The following DDX60 variants were observed in gnomAD, a reference collection of about 807,000 sequenced individuals.
The protein encoded by DDX60 is DExD/H-box helicase 60.
A neutral mutation model predicts 212.8 loss-of-function variants in DDX60; 165 were observed. The observed-to-expected ratio is 0.78, with a 90% CI of 0.68 to 0.88. The LOEUF (loss-of-function observed/expected upper bound fraction) is 0.88. DDX60 is among the 40% of genes least tolerant of loss of function. DDX60 has a pLI of 0.00. For missense variants in DDX60, 1,905 were observed against 2,003.9 expected, an observed-to-expected ratio of 0.95 and a Z score of 0.94; for synonymous variants, 703 against 685.3, an observed-to-expected ratio of 1.03 and a Z score of -0.40.
intron 33 of DDX60, among the ~76,000 whole-genome samples, chr4:168,233,688 A>G (rs1443659983): frequency 6.6e-6 from 1 of 152,110 alleles, no homozygotes; most frequent in Non-Finnish European, 1.5e-5. Flanking sequence ...AAATGGTACA[A>G]TGGACTTTGG....
rs1166698648 is a variant in DDX60 at position 168,285,913 on chromosome 4, AAGGAAGGAAGGAAGGAAGGAAGGAAGGG to A, written c.1340-443_1340-416del. 1.6e-4 allele frequency among the ~76,000 whole-genome samples: 9 copies of A among 54,980 alleles called. 1 individual carries two copies. Among genetic ancestry groups the A allele is most frequent in the Admixed American group, 9.6e-4 (6 of 6,282 alleles). The allele number at this position is 54,980 out of a possible 152,430, so 36.1% of individuals were successfully genotyped here. A position where few individuals can be genotyped will look rare whatever the true frequency, so the allele number is the denominator to read the frequency against. On this transcript the variant is annotated intron_variant, in intron 10 of 37. Transcript: ENST00000393743. ...GAGGGAAGAAAGGAAGGAAGGAAGG[AAGGAAGGAAGGAAGGAAGGAAGGAAGGG>A]AGGAAGGGAGGGAGGGAAAGGAAAG...
At chr4:168,321,436 G>A (rs1737609297), upstream of DDX60, among the ~76,000 whole-genome samples, 1 of 151,956 alleles carries the variant, frequency 6.6e-6, no homozygotes, top group Admixed American at 6.5e-5. Context: ...TTTGATACCT[G>A]GCCACCAAGG....
chr4:168,281,156 A>G (rs1374510215), intron 13 of DDX60, among the ~76,000 whole-genome samples: 2 of 152,178 alleles, frequency 1.3e-5, no homozygotes, highest in African/African-American at 4.8e-5. Context: ...ATAAAAAAGA[A>G]GAAGAAAAGT....
At chr4:168,285,812 G>A (rs2149529997) in intron 10 of DDX60, among the ~76,000 whole-genome samples, 1 of 151,230 alleles carries the variant, frequency 6.6e-6, no homozygotes, top group East Asian at 1.9e-4. Context: ...TGGATGGGTG[G>A]ATGGATGGAT....
In DDX60 at chr4:168,311,248, A is replaced by G; in HGVS notation, c.4+8T>C. 2 of 1,612,090 alleles carry G rather than the reference A, an allele frequency of 1.2e-6. No homozygotes were observed. The highest frequency in any genetic ancestry group is 1.7e-6 in the Non-Finnish European group (2 of 1,179,212). Reference sequence around the variant, plus strand: ...TATAATCTATAAATATTTTAAGTGGAAAATTACCCATTCTTGCTGCTGCCT... The same window carrying G: ...TATAATCTATAAATATTTTAAGTGGGAAATTACCCATTCTTGCTGCTGCCT... On this transcript the variant is annotated splice_region_variant and intron_variant, in intron 2 of 37. Coordinates refer to ENST00000393743, the MANE Select transcript of DDX60 (RefSeq NM_017631.6).
At chr4:168,245,279 G>A (rs1218765463) in intron 30 of DDX60, among the ~76,000 whole-genome samples, 1 of 152,128 alleles carries the variant, frequency 6.6e-6, no homozygotes, top group East Asian at 1.9e-4. Context: ...CAAGTTAACT[G>A]CAAGAAAACA....
At chr4:168,323,940 T>A in the DDX60 span, among the ~76,000 whole-genome samples, 4 of 152,350 alleles carry the variant, frequency 2.6e-5, no homozygotes, top group Non-Finnish European at 5.9e-5. Context: ...CATTGAGCTC[T>A]AGCACATATC....
At chr4:168,299,944 T>A (rs561503094) in intron 6 of DDX60, among the ~76,000 whole-genome samples, 74 of 152,328 alleles carry the variant, frequency 4.9e-4, no homozygotes, top group Non-Finnish European at 2.5e-4. Context: ...TAATCTTTTT[T>A]ATGAAGAACA....
intron 30 of DDX60, among the ~76,000 whole-genome samples, chr4:168,239,365 T>G (rs922261583): frequency 2.7e-4 from 37 of 138,574 alleles, no homozygotes; most frequent in Admixed American, 1.2e-3. Flanking sequence ...AGCAGAGAGA[T>G]GATAGAAGGA....
At chr4:168,306,792 T>C in intron 4 of DDX60, 72 bp from the exon 5 acceptor site, 1 of 1,142,956 alleles carries the variant, frequency 8.7e-7, no homozygotes, top group South Asian at 1.5e-5. Flanking sequence ...TAACACATCA[T>C]TAAAGGCACT....
intron 30 of DDX60, among the ~76,000 whole-genome samples, chr4:168,240,878 G>A (rs1733812713): frequency 6.6e-6 from 1 of 152,110 alleles, no homozygotes; most frequent in Non-Finnish European, 1.5e-5. Context: ...ACATCGGCAT[G>A]GGCAATATTT....
intron 37 of DDX60, among the ~76,000 whole-genome samples, chr4:168,219,143 T>C (rs1373063698): frequency 6.7e-6 from 1 of 148,494 alleles, no homozygotes; most frequent in Non-Finnish European, 1.5e-5. Context: ...AAAAAAAAAA[T>C]TAGCCAGGCA....
rs1460808020 is a variant in DDX60 at position 168,255,830 on chromosome 4, C to G, written c.3438G>C (p.Val1146=). Residue 1146 remains valine (V), a synonymous_variant, in exon 26 of 38, where the codon GTG becomes GTC. Coordinates refer to ENST00000393743, the MANE Select transcript of DDX60 (RefSeq NM_017631.6). The part of the protein sequence containing the change: ...LGAVENAAES[V]STFLKKKQET... ...CCTGCTTTTTCTTTAGGAAAGTGCTCACACTTTCAGCTGCGTTTTCTACAG... is the reference window on the plus strand; with the variant it reads ...CCTGCTTTTTCTTTAGGAAAGTGCTGACACTTTCAGCTGCGTTTTCTACAG... 6.2e-7 allele frequency: 1 copy of G among 1,602,086 alleles called. No individual in the cohort carries two copies. The highest frequency in any genetic ancestry group is 1.4e-5 in the African/African-American group (1 of 73,830).
At position 168,273,137 on chromosome 4, in the gene DDX60, T is replaced by C. The variant is rs184363071; in HGVS notation, c.2574+142A>G. The C allele has an allele frequency of 4.6e-5, 40 of 877,656 alleles. No homozygotes were observed. In the East Asian group the frequency reaches 1.1e-3, roughly 24 times the overall value. 54.4% of individuals were successfully genotyped at this position (877,656 alleles called of 1,614,324 possible). On this transcript the variant is annotated intron_variant, in intron 18 of 37. Transcript: ENST00000393743. Reference sequence around the variant, plus strand: ...TCTTTGAAATGTAACAATATTACATTTTTTCTAAAAGTATTTTGTCTTTCA... The same window carrying C: ...TCTTTGAAATGTAACAATATTACATCTTTTCTAAAAGTATTTTGTCTTTCA...
chr4:168,312,790 C>T (rs1358816686), intron 1 of DDX60, among the ~76,000 whole-genome samples: 1 of 129,448 alleles, frequency 7.7e-6, no homozygotes, highest in Non-Finnish European at 1.6e-5. Context: ...TAGTAAGGAA[C>T]ATATAATGGT....
At chr4:168,250,596 G>A (rs553864426) in intron 28 of DDX60, among the ~76,000 whole-genome samples, 49 of 150,952 alleles carry the variant, frequency 3.2e-4, no homozygotes, top group African/African-American at 1.2e-3. Flanking sequence ...CATGATCTCG[G>A]CTCACTGCAA....
At chr4:168,303,299 C>T (rs1363895720) in intron 5 of DDX60, among the ~76,000 whole-genome samples, 1 of 131,768 alleles carries the variant, frequency 7.6e-6, no homozygotes, top group Non-Finnish European at 1.6e-5. Flanking sequence ...GAGACTCTGT[C>T]TCCAAAAAAA....
chr4:168,310,938 A>G (rs1737101586), intron 3 of DDX60, 60 bp downstream of exon 3: 1 of 1,022,214 alleles, frequency 9.8e-7, no homozygotes, highest in Non-Finnish European at 1.5e-6. Flanking sequence ...ATAAGGCCAA[A>G]TAGACATACA....
chr4:168,268,528 G>T (rs1237025177), intron 20 of DDX60, among the ~76,000 whole-genome samples: 1 of 152,032 alleles, frequency 6.6e-6, no homozygotes, highest in African/African-American at 2.4e-5. Flanking sequence ...ATGGCTGAGT[G>T]TGTTGTTATA....
Sources: allele counts gnomAD v4.1 joint callset (sites outside exome capture counted in the v4.1 genomes callset), GRCh38; gene constraint gnomAD v4.1.1; transcripts MANE v1.5; gene names NCBI Gene and HGNC (gene_info 2026-07-23, HGNC 2026-07-21).